ANKRD26: variants seen among roughly 807,000 people sequenced by gnomAD.
ANKRD26 encodes the protein ankyrin repeat domain 26.
A neutral mutation model predicts 208.7 loss-of-function variants in ANKRD26; 141 were observed. That is an observed-to-expected ratio of 0.68 (90% CI 0.59 to 0.78). The LOEUF is 0.78. Ranked by LOEUF, ANKRD26 falls within the 30% of genes least tolerant of loss-of-function variation. The probability of loss-of-function intolerance (pLI) is 0.00; values close to 1 mark genes in which losing one functional copy is unlikely to be tolerated. For missense variants in ANKRD26, 1,889 were observed against 1,938.7 expected (o/e 0.97, Z 0.48); for synonymous variants, 636 against 660.4 (o/e 0.96, Z 0.57).
At chr10:26,963,902 G>GTTTTTTTT in the ANKRD26 span, among the ~76,000 whole-genome samples, 21 of 66,974 alleles carry the variant, frequency 3.1e-4, 2 homozygotes, top group Admixed American at 4.2e-4. Context: ...ATGGTTGGTT[G>GTTTTTTTT]GTTTTTTTTT....
chr10:27,041,863 G>A (rs1229576717), intron 20 of ANKRD26, among the ~76,000 whole-genome samples: 1 of 151,932 alleles, frequency 6.6e-6, no homozygotes, highest in African/African-American at 2.4e-5. Flanking sequence ...GATTCAGAAA[G>A]GATATGGCCA....
chr10:27,033,637 C>T (rs2053953569), intron 24 of ANKRD26, among the ~76,000 whole-genome samples: 1 of 152,112 alleles, frequency 6.6e-6, no homozygotes, highest in Non-Finnish European at 1.5e-5. Context: ...CATTCATCCC[C>T]CCATGAATTT....
chr10:27,099,084 A>G (rs1399602479), intron 1 of ANKRD26, among the ~76,000 whole-genome samples: 9 of 151,462 alleles, frequency 5.9e-5, no homozygotes, highest in African/African-American at 2.2e-4. Flanking sequence ...TCTGCCTCCC[A>G]GGTTCAAGCG....
intron 9 of ANKRD26, among the ~76,000 whole-genome samples, chr10:27,070,812 C>T (rs376947436): frequency 5.3e-5 from 8 of 151,984 alleles, no homozygotes; most frequent in African/African-American, 1.7e-4. Flanking sequence ...ATTATAGGCA[C>T]GTGCCACCAC....
exon 6 of ANKRD26, among the ~76,000 whole-genome samples, chr10:26,975,402 CTT>C (rs60226106): frequency 1.5e-4 from 14 of 90,476 alleles, no homozygotes; most frequent in Non-Finnish European, 1.8e-4. Flanking sequence ...CTAATTTTTG[CTT>C]TTTTTTTTTT....
chr10:26,978,336 G>A (rs193191283), intron 5 of ANKRD26, among the ~76,000 whole-genome samples: 2 of 152,056 alleles, frequency 1.3e-5, no homozygotes, highest in African/African-American at 2.4e-5. Context: ...CGTGCCTGTA[G>A]TGCCAGCTAC....
the ANKRD26 span, among the ~76,000 whole-genome samples, chr10:26,952,004 C>T: frequency 1.3e-5 from 2 of 152,158 alleles, no homozygotes; most frequent in African/African-American, 4.8e-5. Flanking sequence ...CTGTTTATCT[C>T]TTTTGCAGTC....
At chr10:27,066,372 G>C (rs573205201) in intron 11 of ANKRD26, 115 bp downstream of exon 11, 1 of 651,200 alleles carries the variant, frequency 1.5e-6, no homozygotes, top group African/African-American at 1.8e-5. Context: ...ATATAAGAAA[G>C]TAGTTCCTTA....
At chr10:26,963,903 GTTTT>G in the ANKRD26 span, among the ~76,000 whole-genome samples, 9 of 71,848 alleles carry the variant, frequency 1.3e-4, no homozygotes, top group Non-Finnish European at 2.1e-4. Context: ...TGGTTGGTTG[GTTTT>G]TTTTTTTTTT....
chr10:27,051,193 G>A lies in ANKRD26; in HGVS notation c.1635+2127C>T, dbSNP rs768185008. On this transcript the variant is annotated intron_variant, in intron 16 of 33. Transcript: ENST00000376087. The stretch of plus-strand genomic sequence containing the variant: ...GATACTTTTGATGTTCTGTCACCAC[G>A]TGGTGGAGAAGACCTCACATTTTCT... 3 of 1,289,844 alleles carry A rather than the reference G, an allele frequency of 2.3e-6. No individual in the cohort carries two copies. In the South Asian group the frequency reaches 3.7e-5, roughly 16 times the overall value. The allele number at this position is 1,289,844 out of a possible 1,614,324, so 79.9% of individuals were successfully genotyped here. A position where few individuals can be genotyped will look rare whatever the true frequency, so the allele number is the denominator to read the frequency against.
intron 12 of ANKRD26, among the ~76,000 whole-genome samples, chr10:27,062,933 A>C (rs1445209581): frequency 6.6e-6 from 1 of 151,924 alleles, no homozygotes; most frequent in Non-Finnish European, 1.5e-5. Flanking sequence ...ATGCCTGGCT[A>C]ATGTTTGTAT....
At chr10:27,070,357 G>A (rs1047128738) in intron 9 of ANKRD26, among the ~76,000 whole-genome samples, 3 of 152,092 alleles carry the variant, frequency 2.0e-5, no homozygotes, top group Non-Finnish European at 2.9e-5. Context: ...CTGAGATCCC[G>A]CCACTGCACT....
rs369815791 is a variant in ANKRD26, at chr10:27,049,035, CT to C, written c.1636-57del. ...CTATTACTTTATTCAATAATAATTT[CT>C]TTGTTTTCATTGAGTTTATCATTTG... is the stretch of plus-strand genomic sequence containing the variant. On this transcript the variant is annotated intron_variant, in intron 16 of 33. Coordinates refer to ENST00000376087, the MANE Select transcript of ANKRD26 (RefSeq NM_014915.3). 516 of 1,418,074 alleles carry C rather than the reference CT, an allele frequency of 3.6e-4. 2 individuals carry two copies. In the African/African-American group the frequency reaches 6.3e-3, roughly 17 times the overall value. 87.8% of individuals were successfully genotyped at this position (1,418,074 alleles called of 1,614,324 possible). A position where few individuals can be genotyped will look rare whatever the true frequency, so the allele number is the denominator to read the frequency against.
intron 25 of ANKRD26, among the ~76,000 whole-genome samples, chr10:27,029,780 T>C (rs2053803157): frequency 6.6e-6 from 1 of 152,214 alleles, no homozygotes; most frequent in Admixed American, 6.5e-5. Context: ...TGAATGACCA[T>C]GGCAATGCCA....
intron 5 of ANKRD26, 147 bp downstream of exon 5, chr10:27,086,392 T>C (rs962906014): frequency 5.8e-6 from 6 of 1,033,802 alleles, no homozygotes; most frequent in Non-Finnish European, 7.9e-6. Context: ...TTCTGAATTC[T>C]AGATTACCAA....
chr10:27,016,433 T>C (rs1306668248), intron 30 of ANKRD26, among the ~76,000 whole-genome samples: 1 of 152,150 alleles, frequency 6.6e-6, no homozygotes, highest in Non-Finnish European at 1.5e-5. Flanking sequence ...CCACCACGCC[T>C]GGCTGATTAT....
chr10:27,063,988 C>T lies in ANKRD26; in HGVS notation c.1363G>A (p.Asp455Asn). The change falls in exon 12 of 34, where the codon GAT (aspartate) becomes AAT (asparagine). Residue 455 changes from aspartate to asparagine, a missense_variant and splice_region_variant. Coordinates refer to ENST00000376087, the MANE Select transcript of ANKRD26 (RefSeq NM_014915.3). ...TTTAAAAATGAAATATAGCTCTTACCTTCTGCTTGTTCATTTCCTATATTT... is the reference window on the plus strand; with the variant it reads ...TTTAAAAATGAAATATAGCTCTTACTTTCTGCTTGTTCATTTCCTATATTT... ...EKNIGNEQAE[D>N]VFYIPSCMSG... 1.2e-6 allele frequency: 2 copies of T among 1,601,804 alleles called. No homozygotes were observed. Among genetic ancestry groups the T allele is most frequent in the Non-Finnish European group, 1.7e-6 (2 of 1,172,220 alleles).
At chr10:27,099,583 A>G (rs2056580799) in intron 1 of ANKRD26, among the ~76,000 whole-genome samples, 1 of 143,134 alleles carries the variant, frequency 7.0e-6, no homozygotes, top group Non-Finnish European at 1.5e-5. Flanking sequence ...GTCTCGCTAT[A>G]ATGCCCAGGC....
At chr10:27,051,077 T>G (rs1393925533) in intron 16 of ANKRD26, 2 of 1,253,122 alleles carry the variant, frequency 1.6e-6, no homozygotes, top group African/African-American at 3.1e-5. Context: ...GAAGTTGGAC[T>G]TTTTCTTTCT....
Sources: gnomAD v4.1 joint callset for allele counts (sites outside exome capture counted in the v4.1 genomes callset) on GRCh38, gnomAD v4.1.1 for gene constraint, MANE v1.5 for transcripts, NCBI Gene and HGNC (gene_info 2026-07-23, HGNC 2026-07-21) for gene names.